FTCDNL1: variants seen among roughly 807,000 people sequenced by gnomAD.
FTCDNL1 encodes the protein formiminotransferase cyclodeaminase N-terminal like, also known as formiminotransferase N-terminal subdomain-containing protein.
In FTCDNL1, 11 loss-of-function variants were observed where a neutral mutation model predicts 5.9. The ratio of observed to expected loss-of-function variants is 1.87; its 90% CI spans 1.18 to 3.10. The LOEUF (loss-of-function observed/expected upper bound fraction) is 3.10. Ranked by LOEUF, FTCDNL1 falls within the 30% of genes most tolerant of loss-of-function variation. FTCDNL1 has a pLI of 0.00. For missense variants in FTCDNL1, 115 were observed against 65.5 expected (o/e 1.76, Z -2.61); for synonymous variants, 58 against 24.8 (o/e 2.34, Z -3.99).
At chr2:199,829,536 T>C (rs942615223) in intron 3 of FTCDNL1, among the ~76,000 whole-genome samples, 4 of 152,198 alleles carry the variant, frequency 2.6e-5, no homozygotes, top group Non-Finnish European at 4.4e-5. Context: ...ATGTCTTTTC[T>C]AAGCCTATAA....
chr2:199,829,726 T>C (rs999232347), intron 3 of FTCDNL1, among the ~76,000 whole-genome samples: 1 of 152,198 alleles, frequency 6.6e-6, no homozygotes, highest in African/African-American at 2.4e-5. Flanking sequence ...ACTACCGATA[T>C]AAATGGACTT....
chr2:199,793,707 T>C (rs1007452264), intron 3 of FTCDNL1, among the ~76,000 whole-genome samples: 4 of 152,292 alleles, frequency 2.6e-5, no homozygotes, highest in Admixed American at 2.6e-4. Context: ...ATCGGATTGA[T>C]ATTCCCCCTT....
At chr2:199,681,910 T>C in the FTCDNL1 span, among the ~76,000 whole-genome samples, 54 of 138,216 alleles carry the variant, frequency 3.9e-4, no homozygotes, top group Middle Eastern at 3.7e-3. Flanking sequence ...CCAAGGAGTG[T>C]GTGTGTGTGT....
chr2:199,822,888 T>C (rs1458590264), intron 3 of FTCDNL1, among the ~76,000 whole-genome samples: 1 of 152,194 alleles, frequency 6.6e-6, no homozygotes, highest in Admixed American at 6.5e-5. Flanking sequence ...TCTTCTTCTG[T>C]CACCCAGGCT....
the FTCDNL1 span, among the ~76,000 whole-genome samples, chr2:199,748,380 A>G: frequency 1.8e-4 from 27 of 152,204 alleles, no homozygotes; most frequent in East Asian, 5.0e-3. Flanking sequence ...TTTGAAAACT[A>G]TGTTACCAAA....
At chr2:199,694,986 A>G in the FTCDNL1 span, among the ~76,000 whole-genome samples, 40 of 152,190 alleles carry the variant, frequency 2.6e-4, no homozygotes, top group Non-Finnish European at 5.0e-4. Flanking sequence ...TCTGTTTCAC[A>G]TATCTTCTAT....
chr2:199,772,600 G>A (rs930501457), intron 3 of FTCDNL1, among the ~76,000 whole-genome samples: 6 of 152,166 alleles, frequency 3.9e-5, no homozygotes, highest in South Asian at 2.1e-4. Flanking sequence ...TCTGAAGCAC[G>A]TGTCTTACCA....
chr2:199,835,296 A>G (rs1225721248), intron 3 of FTCDNL1, among the ~76,000 whole-genome samples: 1 of 152,254 alleles, frequency 6.6e-6, no homozygotes, highest in African/African-American at 2.4e-5. Context: ...GGGGAAAAGA[A>G]AAGCACAACA....
the FTCDNL1 span, among the ~76,000 whole-genome samples, chr2:199,745,367 C>T: frequency 1.3e-5 from 2 of 152,136 alleles, no homozygotes; most frequent in Non-Finnish European, 2.9e-5. Flanking sequence ...TCTAACGTGG[C>T]TCTCTATTTG....
the FTCDNL1 span, among the ~76,000 whole-genome samples, chr2:199,751,015 G>T: frequency 6.6e-6 from 1 of 152,150 alleles, no homozygotes; most frequent in Non-Finnish European, 1.5e-5. Context: ...GCTTTCCAAA[G>T]ACCCTCAGTT....
chr2:199,759,299 T>G (rs899996108), downstream of FTCDNL1, among the ~76,000 whole-genome samples: 3 of 149,992 alleles, frequency 2.0e-5, no homozygotes, highest in Admixed American at 6.7e-5. Flanking sequence ...CATTTGTTGT[T>G]TTTTTTTTTG....
At chr2:199,842,449 G>C (rs772432770) in intron 3 of FTCDNL1, among the ~76,000 whole-genome samples, 6 of 152,060 alleles carry the variant, frequency 3.9e-5, no homozygotes, top group Non-Finnish European at 8.8e-5. Context: ...CTGCATCACT[G>C]TTCCCTTTAT....
At chr2:199,683,527 C>T in the FTCDNL1 span, among the ~76,000 whole-genome samples, 1 of 151,304 alleles carries the variant, frequency 6.6e-6, no homozygotes, top group Admixed American at 6.6e-5. Context: ...CAGTGATAAT[C>T]CCAGCTGACT....
the FTCDNL1 span, among the ~76,000 whole-genome samples, chr2:199,700,733 C>T: frequency 6.6e-5 from 10 of 152,050 alleles, no homozygotes; most frequent in African/African-American, 9.7e-5. Flanking sequence ...GAAATAAAGC[C>T]GCACACCTGC....
chr2:199,678,397 A>G, the FTCDNL1 span, among the ~76,000 whole-genome samples: 1 of 152,170 alleles, frequency 6.6e-6, no homozygotes, highest in African/African-American at 2.4e-5. Context: ...GAAGAACTGT[A>G]AGATAGCCCC....
chr2:199,698,069 C>T, the FTCDNL1 span, among the ~76,000 whole-genome samples: 4 of 152,174 alleles, frequency 2.6e-5, no homozygotes, highest in Admixed American at 1.3e-4. Flanking sequence ...GGGTTCAATT[C>T]AACCAGAAGA....
the FTCDNL1 span, among the ~76,000 whole-genome samples, chr2:199,737,940 T>G: frequency 6.6e-6 from 1 of 152,220 alleles, no homozygotes; most frequent in Non-Finnish European, 1.5e-5. Context: ...AGGTTCCCTG[T>G]TTCTTCCTGT....
At chr2:199,759,302 T>A (rs998387460), downstream of FTCDNL1, among the ~76,000 whole-genome samples, 11 of 151,992 alleles carry the variant, frequency 7.2e-5, no homozygotes, top group African/African-American at 2.7e-4. Context: ...TTGTTGTTTT[T>A]TTTTTTGTAA....
At chr2:199,694,328 C>A in the FTCDNL1 span, among the ~76,000 whole-genome samples, 1 of 152,190 alleles carries the variant, frequency 6.6e-6, no homozygotes, top group African/African-American at 2.4e-5. Flanking sequence ...GCAGATATTT[C>A]AGATGAAGAG....
Sources: allele counts gnomAD v4.1 joint callset (sites outside exome capture counted in the v4.1 genomes callset), GRCh38; gene constraint gnomAD v4.1.1; transcripts MANE v1.5; gene names NCBI Gene and HGNC (gene_info 2026-07-23, HGNC 2026-07-21).